GLIS1: variants seen among roughly 807,000 people sequenced by gnomAD.
GLIS1 encodes the protein zinc finger protein GLIS1.
In GLIS1, 24 loss-of-function variants were observed where a neutral mutation model predicts 63.8. The ratio of observed to expected loss-of-function variants is 0.38; its 90% CI spans 0.27 to 0.53. The LOEUF (loss-of-function observed/expected upper bound fraction) is 0.53. Among genes scored for constraint, GLIS1 ranks in the 20% least tolerant of loss-of-function variants. The pLI, the probability that GLIS1 is intolerant of heterozygous loss-of-function variation, is 0.85. For synonymous variants in GLIS1, 450 were observed against 482.5 expected (o/e 0.93, Z 0.88); for missense variants, 1,036 against 1,074.1 (o/e 0.96, Z 0.50).
chr1:53,509,728 G>A, intron 9 of GLIS1, 121 bp downstream of exon 9: 1 of 579,030 alleles, frequency 1.7e-6, no homozygotes, highest in East Asian at 3.5e-5. Flanking sequence ...AGCCCCCAGT[G>A]CCCAGCCGGT....
intron 2 of GLIS1, among the ~76,000 whole-genome samples, chr1:53,653,804 C>T (rs1368875258): frequency 2.6e-5 from 4 of 152,162 alleles, no homozygotes; most frequent in African/African-American, 4.8e-5. Flanking sequence ...GGCCCTCCAC[C>T]ATCCCCGCCC....
intron 2 of GLIS1, among the ~76,000 whole-genome samples, chr1:53,710,261 T>C (rs1272147091): frequency 6.6e-6 from 1 of 152,234 alleles, no homozygotes; most frequent in Non-Finnish European, 1.5e-5. Flanking sequence ...AAATGAAATA[T>C]GCAGCCCATG....
At chr1:53,738,650 C>T (rs1446022616) in intron 1 of GLIS1, among the ~76,000 whole-genome samples, 1 of 152,232 alleles carries the variant, frequency 6.6e-6, no homozygotes, top group Non-Finnish European at 1.5e-5. Flanking sequence ...CCACCCGAAC[C>T]TGGAAAACAG....
At chr1:53,578,961 G>T (rs749375998) in intron 4 of GLIS1, among the ~76,000 whole-genome samples, 4 of 151,724 alleles carry the variant, frequency 2.6e-5, no homozygotes, top group Non-Finnish European at 4.4e-5. Context: ...GGATCTGCAG[G>T]CCTTGCTCTT....
At chr1:53,696,756 G>C (rs777338678) in intron 2 of GLIS1, among the ~76,000 whole-genome samples, 14 of 152,138 alleles carry the variant, frequency 9.2e-5, no homozygotes, top group Non-Finnish European at 1.6e-4. Context: ...ATGCCGCCTG[G>C]AACTCCCTTC....
chr1:53,557,838 T>C (rs1158807865), intron 4 of GLIS1, among the ~76,000 whole-genome samples: 2 of 152,260 alleles, frequency 1.3e-5, no homozygotes, highest in Non-Finnish European at 2.9e-5. Flanking sequence ...TGAAAATTTC[T>C]GATTTCTAAA....
intron 2 of GLIS1, among the ~76,000 whole-genome samples, chr1:53,718,414 G>A (rs1196208466): frequency 6.6e-6 from 1 of 152,074 alleles, no homozygotes; most frequent in African/African-American, 2.4e-5. Flanking sequence ...GATGGAGTAT[G>A]GCGGCAAGCG....
intron 2 of GLIS1, among the ~76,000 whole-genome samples, chr1:53,722,514 A>T (rs772030717): frequency 4.6e-5 from 7 of 152,130 alleles, no homozygotes; most frequent in Non-Finnish European, 1.0e-4. Flanking sequence ...TTAATGTATC[A>T]CCTATTCAAA....
chr1:53,681,577 T>C (rs1646275593), intron 2 of GLIS1, among the ~76,000 whole-genome samples: 1 of 152,184 alleles, frequency 6.6e-6, no homozygotes, highest in Non-Finnish European at 1.5e-5. Context: ...GCATTCATAT[T>C]CTCTCTGCTG....
intron 2 of GLIS1, among the ~76,000 whole-genome samples, chr1:53,644,464 C>G (rs1027411268): frequency 1.3e-5 from 2 of 152,192 alleles, no homozygotes; most frequent in African/African-American, 2.4e-5. Flanking sequence ...TCCCTGCCCT[C>G]CTGGAGCTTC....
At chr1:53,605,791 A>G (rs1178144214) in intron 2 of GLIS1, among the ~76,000 whole-genome samples, 1 of 152,230 alleles carries the variant, frequency 6.6e-6, no homozygotes, top group Non-Finnish European at 1.5e-5. Flanking sequence ...TGCGTTCTCT[A>G]GACACCTGGG....
chr1:53,594,036 C>G (rs1453305050), intron 4 of GLIS1, 72 bp downstream of exon 4: 2 of 1,510,736 alleles, frequency 1.3e-6, no homozygotes, highest in East Asian at 2.4e-5. Context: ...GGCGGCCTCT[C>G]CTGGGGCACT....
At chr1:53,625,115 G>A (rs560599370) in intron 2 of GLIS1, among the ~76,000 whole-genome samples, 62 of 152,322 alleles carry the variant, frequency 4.1e-4, no homozygotes, top group African/African-American at 1.4e-3. Context: ...GCCGCTCCAG[G>A]CCTGGATGAC....
chr1:53,699,039 GT>G (rs1019467089), intron 2 of GLIS1, among the ~76,000 whole-genome samples: 1 of 147,970 alleles, frequency 6.8e-6, no homozygotes, highest in African/African-American at 2.4e-5. Context: ...TTTTTGTTTT[GT>G]TTTTTGTTTG....
At chr1:53,664,809 A>T (rs1264148251) in intron 2 of GLIS1, among the ~76,000 whole-genome samples, 1 of 152,222 alleles carries the variant, frequency 6.6e-6, no homozygotes, top group East Asian at 1.9e-4. Context: ...GGCTGAGCGA[A>T]GACCTGAAGG....
intron 4 of GLIS1, 36 bp downstream of exon 4, chr1:53,594,072 G>C: frequency 6.3e-7 from 1 of 1,575,976 alleles, no homozygotes; most frequent in Non-Finnish European, 8.6e-7. Context: ...CTGCCAGAGG[G>C]GCTGGGGTGA....
intron 2 of GLIS1, among the ~76,000 whole-genome samples, chr1:53,632,334 T>TG (rs1002439009): frequency 7.4e-6 from 1 of 134,490 alleles, no homozygotes; most frequent in Non-Finnish European, 1.6e-5. Context: ...TGTGACAGAC[T>TG]GGGGGTGTAA....
chr1:53,525,028 A>G (rs1164235132), intron 5 of GLIS1, 141 bp from the exon 6 acceptor site: 13 of 649,430 alleles, frequency 2.0e-5, no homozygotes, highest in Non-Finnish European at 2.9e-5. Context: ...AGCCCGGCCC[A>G]GCTGTGGGGA....
At chr1:53,710,305 G>A (rs551912215) in intron 2 of GLIS1, among the ~76,000 whole-genome samples, 1 of 152,372 alleles carries the variant, frequency 6.6e-6, no homozygotes, top group African/African-American at 2.4e-5. Context: ...AGGTGGGCAC[G>A]GCCGCAGGGC....
Sources: allele counts gnomAD v4.1 joint callset (sites outside exome capture counted in the v4.1 genomes callset), GRCh38; gene constraint gnomAD v4.1.1; transcripts MANE v1.5; gene names NCBI Gene and HGNC (gene_info 2026-07-23, HGNC 2026-07-21).